MKKS: variants seen among roughly 807,000 people sequenced by gnomAD.
MKKS encodes MKKS centrosomal shuttling protein, also known as molecular chaperone MKKS.
A neutral mutation model predicts 33.2 loss-of-function variants in MKKS; 29 were observed. The observed-to-expected ratio is 0.87, with a 90% CI of 0.65 to 1.19. MKKS has a LOEUF of 1.19. Among genes scored for constraint, MKKS ranks in the 50% most tolerant of loss-of-function variants. The pLI is 0.00. For synonymous variants in MKKS, 260 were observed against 244.0 expected, an observed-to-expected ratio of 1.07 and a Z score of -0.61; for missense variants, 661 against 662.3, an observed-to-expected ratio of 1.00 and a Z score of 0.02.
Position 10,413,302 on chromosome 20 carries a change from ATG to A in MKKS, c.211_212del (p.His71SerfsTer19). 1 of 1,614,182 alleles carries A rather than the reference ATG, an allele frequency of 6.2e-7. No individual in the cohort carries two copies. Among genetic ancestry groups the A allele is most frequent in the Non-Finnish European group, 8.5e-7 (1 of 1,180,038 alleles). The stretch of plus-strand genomic sequence containing the variant: ...AGGCTGTCAGGATCTTTAAAATGGG[ATG>A]TGTGACCAAAAGGTGACTGAGCAGA... ...SALLSHLLVT[H>X]PILKILTASI... On this transcript the variant is annotated frameshift_variant, in exon 3 of 6. Transcript: ENST00000347364. LOFTEE classifies it high-confidence loss of function.
chr20:10,420,207 T>C (rs908776583), intron 2 of MKKS, among the ~76,000 whole-genome samples: 1 of 152,104 alleles, frequency 6.6e-6, no homozygotes, highest in African/African-American at 2.4e-5. Flanking sequence ...AAGAAAATAA[T>C]CTTGTATAAA....
At chr20:10,411,201 T>A (rs574334490) in intron 3 of MKKS, among the ~76,000 whole-genome samples, 5 of 152,102 alleles carry the variant, frequency 3.3e-5, no homozygotes, top group East Asian at 1.9e-4. Flanking sequence ...TTGGCCAGGA[T>A]GGTCTCGATC....
At position 10,427,029 on chromosome 20, in the gene MKKS, G is replaced by GACACACACACAGACACACACAC. The variant is rs1226255722; in HGVS notation, c.-648-6272_-648-6271insGTGTGTGTGTCTGTGTGTGTGT. Reference sequence around the variant, plus strand: ...TTAAAGGCCAAGAAAAGAAAACACTGACACACACACACACACACACACACA... The same window carrying GACACACACACAGACACACACAC: ...TTAAAGGCCAAGAAAAGAAAACACTGACACACACACAGACACACACACACACACACACACACACACACACACA... On this transcript the variant is annotated intron_variant, in intron 1 of 5. Transcript: ENST00000347364. 3.0e-3 allele frequency among the ~76,000 whole-genome samples: 393 copies of GACACACACACAGACACACACAC among 130,772 alleles called. 9 individuals carry two copies. Among genetic ancestry groups the GACACACACACAGACACACACAC allele is most frequent in the African/African-American group, 7.8e-3 (252 of 32,286 alleles). 85.8% of individuals were successfully genotyped at this position (130,772 alleles called of 152,430 possible). A position where few individuals can be genotyped will look rare whatever the true frequency, so the allele number is the denominator to read the frequency against.
Position 10,413,780 on chromosome 20 carries a change from A to C in MKKS, c.-266T>G. On this transcript the variant is annotated 5_prime_UTR_variant, in exon 3 of 6. Coordinates refer to ENST00000347364, the MANE Select transcript of MKKS (RefSeq NM_170784.3). ...GTTTGCTTTGAGACTGAAATTTTAC[A>C]GACTGCTTTGCAGACCTCTGCAAAA... 1 of 585,492 alleles carries C rather than the reference A, an allele frequency of 1.7e-6. No homozygotes were observed. Among genetic ancestry groups the C allele is most frequent in the Non-Finnish European group, 3.0e-6 (1 of 331,694 alleles). 36.3% of individuals were successfully genotyped at this position (585,492 alleles called of 1,614,324 possible).
rs759267184 is a variant in MKKS at position 10,412,726 on chromosome 20, A to G, written c.789T>C (p.Ser263=). ...SDTGEGTVVV[S]YGVSLENAVL... ...CTGCATTTTCAAGAGAAACCCCATA[A>G]CTGACCACCACAGTTCCTTCTCCAG... Residue 263 remains serine, a synonymous_variant, in exon 3 of 6, where the codon AGT becomes AGC. Coordinates refer to ENST00000347364, the MANE Select transcript of MKKS (RefSeq NM_170784.3). The G allele has an allele frequency of 5.0e-6, 8 of 1,614,136 alleles. 1 individual carries two copies. In the South Asian group the frequency reaches 8.8e-5, roughly 18 times the overall value.
rs1228628316 is a variant in MKKS, at chr20:10,408,673, G to A, written c.1116C>T (p.Ser372=). Residue 372 remains serine, a synonymous_variant, in exon 4 of 6, where the codon AGC becomes AGT. Coordinates refer to ENST00000347364, the MANE Select transcript of MKKS (RefSeq NM_170784.3). Reference sequence around the variant, plus strand: ...TGTCATTTCTGTTGCAGAGAAGCAAGCTGCAGATTGTTGCTTCATTAGGAA... The same window carrying A: ...TGTCATTTCTGTTGCAGAGAAGCAAACTGCAGATTGTTGCTTCATTAGGAA... ...HLIPNEATIC[S]LLLCNRNDTA... 1 of 1,614,060 alleles carries A rather than the reference G, an allele frequency of 6.2e-7. No individual in the cohort carries two copies. The highest frequency in any genetic ancestry group is 8.5e-7 in the Non-Finnish European group (1 of 1,179,996).
rs2064813639 is a variant in MKKS at position 10,401,970 on chromosome 20, G to A, written c.*3277C>T. On this transcript the variant is annotated 3_prime_UTR_variant, in exon 6 of 6. Coordinates refer to ENST00000347364, the MANE Select transcript of MKKS (RefSeq NM_170784.3). ...AGACCAAATAAGTATTTGATTAAAA[G>A]TTTCCTTTATTTGCTGTAGCTCTCC... 6.6e-6 allele frequency: 1 copy of A among 151,648 alleles called. No homozygotes were observed. Among genetic ancestry groups the A allele is most frequent in the South Asian group, 2.1e-4 (1 of 4,750 alleles). 9.4% of individuals were successfully genotyped at this position (151,648 alleles called of 1,614,324 possible).
chr20:10,432,781 CTCTT>C (rs547100521), intron 1 of MKKS, among the ~76,000 whole-genome samples: 218 of 88,202 alleles, frequency 2.5e-3, no homozygotes, highest in African/African-American at 7.1e-3. Context: ...CAGAGCGAGA[CTCTT>C]TGTCAAAAAA....
intron 4 of MKKS, 53 bp from the exon 5 acceptor site, chr20:10,407,779 C>T: frequency 7.5e-7 from 1 of 1,328,982 alleles, no homozygotes; most frequent in East Asian, 2.4e-5. Flanking sequence ...TATTAACACA[C>T]AAAAAATCAT....
In MKKS at chr20:10,413,431, G is replaced by A. The variant is rs749324183; in HGVS notation, c.84C>T (p.Val28=). 3 of 1,613,382 alleles carry A rather than the reference G, an allele frequency of 1.9e-6. No individual in the cohort carries two copies. In the Admixed American group the frequency reaches 5.0e-5, roughly 27 times the overall value. The change falls in exon 3 of 6, where the codon GTC becomes GTT. Residue 28 remains valine (V), a synonymous_variant. Coordinates refer to ENST00000347364, the MANE Select transcript of MKKS (RefSeq NM_170784.3). The stretch of plus-strand genomic sequence containing the variant: ...AGCATGATGTTACAATTCTTTTCAA[G>A]ACAGAAAGTGTGGTCCTGACTCTCT... ...TTERVRTTLS[V]LKRIVTSCYG...
At chr20:10,432,770 A>G (rs36224656) in intron 1 of MKKS, among the ~76,000 whole-genome samples, 8,362 of 133,610 alleles carry the variant, frequency 0.063, 302 homozygotes, top group East Asian at 0.19. Context: ...AGCCTGCGCG[A>G]CAGAGCGAGA....
Position 10,403,590 on chromosome 20 carries a change from A to G in MKKS, c.*1657T>C, listed in dbSNP as rs914615406. ...TCTGTAGACCCATGAAACTAGAGAA[A>G]AGTTATCTGCCTTCTACTCACAGCA... On this transcript the variant is annotated 3_prime_UTR_variant, in exon 6 of 6. Transcript: ENST00000347364. 1.3e-5 allele frequency: 2 copies of G among 152,202 alleles called. No individual in the cohort carries two copies. Among genetic ancestry groups the G allele is most frequent in the African/African-American group, 4.8e-5 (2 of 41,448 alleles). 9.4% of individuals were successfully genotyped at this position (152,202 alleles called of 1,614,324 possible). A position where few individuals can be genotyped will look rare whatever the true frequency, so the allele number is the denominator to read the frequency against.
At chr20:10,419,005 T>C (rs552018769) in intron 2 of MKKS, among the ~76,000 whole-genome samples, 1 of 152,266 alleles carries the variant, frequency 6.6e-6, no homozygotes, top group East Asian at 1.9e-4. Flanking sequence ...AATTGTCTAA[T>C]ATATTAAGCT....
intron 2 of MKKS, among the ~76,000 whole-genome samples, chr20:10,418,843 T>C (rs919428634): frequency 6.6e-6 from 1 of 152,136 alleles, no homozygotes; most frequent in Non-Finnish European, 1.5e-5. Flanking sequence ...AAAGACTATA[T>C]ATATAAAAAT....
At chr20:10,416,478 TA>T (rs144656340) in intron 2 of MKKS, among the ~76,000 whole-genome samples, 3 of 150,354 alleles carry the variant, frequency 2.0e-5, no homozygotes, top group Non-Finnish European at 3.0e-5. Flanking sequence ...ACTTTAGCAT[TA>T]AAAAAAAACA....
intron 2 of MKKS, among the ~76,000 whole-genome samples, chr20:10,417,868 TA>T (rs1345468810): frequency 4.6e-5 from 7 of 152,140 alleles, no homozygotes; most frequent in African/African-American, 1.4e-4. Flanking sequence ...AGGAAATTGT[TA>T]AATGACAAGA....
At chr20:10,406,626 C>T (rs926687546) in intron 5 of MKKS, among the ~76,000 whole-genome samples, 2 of 152,128 alleles carry the variant, frequency 1.3e-5, no homozygotes, top group Non-Finnish European at 2.9e-5. Flanking sequence ...CTTTGTTAAG[C>T]AACATGTCTG....
intron 2 of MKKS, among the ~76,000 whole-genome samples, chr20:10,418,295 T>G (rs2064955240): frequency 6.6e-6 from 1 of 152,218 alleles, no homozygotes; most frequent in South Asian, 2.1e-4. Flanking sequence ...CGAAATGCCC[T>G]TAACTATTAA....
At position 10,417,245 on chromosome 20, in the gene MKKS, T is replaced by TAA. The variant is rs60367709; in HGVS notation, c.-418+3281_-418+3282dup. Among the ~76,000 whole-genome samples, 36 of 132,420 alleles carry TAA rather than the reference T, an allele frequency of 2.7e-4. 1 individual carries two copies. The highest frequency in any genetic ancestry group is 9.6e-4 in the African/African-American group (34 of 35,548). The allele number at this position is 132,420 out of a possible 152,430, so 86.9% of individuals were successfully genotyped here. Reference sequence around the variant, plus strand: ...TGGGTGACAGAGTGAGACTCCATCTTAAAAAAAAAAAAAAAAAAAATCAAA... The same window carrying TAA: ...TGGGTGACAGAGTGAGACTCCATCTTAAAAAAAAAAAAAAAAAAAAAATCAAA... On this transcript the variant is annotated intron_variant, in intron 2 of 5. Coordinates refer to ENST00000347364, the MANE Select transcript of MKKS (RefSeq NM_170784.3).
Sources: allele counts gnomAD v4.1 joint callset (sites outside exome capture counted in the v4.1 genomes callset), GRCh38; gene constraint gnomAD v4.1.1; transcripts MANE v1.5; gene names NCBI Gene and HGNC (gene_info 2026-07-23, HGNC 2026-07-21).